Variants in ABCB1 observed in about 807,000 individuals in gnomAD.
The protein encoded by ABCB1 is ATP binding cassette subfamily B member 1.
ABCB1 carries 69 observed loss-of-function variants against 142.0 expected under a neutral mutation model. That is an observed-to-expected ratio of 0.49 (90% confidence interval 0.40 to 0.59). The LOEUF (loss-of-function observed/expected upper bound fraction) is 0.59, where lower values mean the gene tolerates loss of function less well. ABCB1 is among the 20% of genes least tolerant of loss of function. The pLI is 0.00. For synonymous variants in ABCB1, 532 were observed against 539.2 expected (o/e 0.99, Z 0.18); for missense variants, 1,326 against 1,554.7 (o/e 0.85, Z 2.47).
At chr7:87,549,222 A>G (rs1390329776) in intron 14 of ABCB1, 126 bp downstream of exon 14, 1 of 1,082,070 alleles carries the variant, frequency 9.2e-7, no homozygotes, top group Non-Finnish European at 1.3e-6. Flanking sequence ...CTTTTATTTT[A>G]ATAGCTGAAG....
chr7:87,585,828 A>G, intron 3 of ABCB1, 148 bp from the exon 4 acceptor site: 4 of 748,022 alleles, frequency 5.3e-6, no homozygotes, highest in Non-Finnish European at 8.7e-6. Flanking sequence ...TACCTTTGCT[A>G]AATTATTGCA....
chr7:87,583,536 A>G (rs957648565), intron 4 of ABCB1, among the ~76,000 whole-genome samples: 2 of 152,324 alleles, frequency 1.3e-5, no homozygotes, highest in Admixed American at 6.5e-5. Context: ...GAAACTAGAT[A>G]TCTATGAAGA....
chr7:87,622,486 C>T (rs1207885208), intron 1 of ABCB1, among the ~76,000 whole-genome samples: 1 of 152,110 alleles, frequency 6.6e-6, no homozygotes, highest in African/African-American at 2.4e-5. Context: ...ATTGGTAAAA[C>T]ATCTCTAGGA....
chr7:87,556,048 A>C (rs535374529), intron 8 of ABCB1, among the ~76,000 whole-genome samples: 1 of 152,336 alleles, frequency 6.6e-6, no homozygotes, highest in South Asian at 2.1e-4. Context: ...CCTTTTCCAT[A>C]AGCTCTTTGT....
intron 1 of ABCB1, among the ~76,000 whole-genome samples, chr7:87,696,336 G>A (rs1203854221): frequency 6.6e-6 from 1 of 152,030 alleles, no homozygotes; most frequent in African/African-American, 2.4e-5. Context: ...ATTTTTAAAG[G>A]CATGAGTAGC....
intron 1 of ABCB1, among the ~76,000 whole-genome samples, chr7:87,625,944 C>CT (rs1292571619): frequency 6.8e-6 from 1 of 148,080 alleles, no homozygotes; most frequent in Non-Finnish European, 1.5e-5. Context: ...AAGACTGACA[C>CT]TATATACGTA....
intron 20 of ABCB1, among the ~76,000 whole-genome samples, chr7:87,535,104 T>C (rs1241884694): frequency 6.6e-6 from 1 of 151,978 alleles, no homozygotes; most frequent in African/African-American, 2.4e-5. Context: ...ACCAAATTAG[T>C]CTAAAACACT....
intron 1 of ABCB1, among the ~76,000 whole-genome samples, chr7:87,638,890 C>T (rs1159006870): frequency 1.3e-5 from 2 of 152,136 alleles, no homozygotes; most frequent in African/African-American, 4.8e-5. Context: ...TGGTGGCTCA[C>T]ACCTGTAATC....
At chr7:87,706,563 C>G (rs566970959) in intron 1 of ABCB1, among the ~76,000 whole-genome samples, 1 of 152,224 alleles carries the variant, frequency 6.6e-6, no homozygotes, top group Admixed American at 6.5e-5. Flanking sequence ...AAGGGAGCAA[C>G]CAAGGCATGA....
intron 1 of ABCB1, among the ~76,000 whole-genome samples, chr7:87,683,798 C>T (rs1035489374): frequency 1.3e-5 from 2 of 152,050 alleles, no homozygotes; most frequent in African/African-American, 2.4e-5. Context: ...AAAATTGCAC[C>T]GAAAGACTTG....
intron 7 of ABCB1, among the ~76,000 whole-genome samples, chr7:87,563,195 C>T (rs1351850601): frequency 2.6e-5 from 4 of 152,116 alleles, no homozygotes; most frequent in Admixed American, 1.3e-4. Context: ...TAAAAAAGCC[C>T]AGGACCAGAT....
At chr7:87,550,105 A>G in intron 12 of ABCB1, 51 bp from the exon 13 acceptor site, 1 of 1,614,134 alleles carries the variant, frequency 6.2e-7, no homozygotes, top group Non-Finnish European at 8.5e-7. Context: ...TGAAAGGGCA[A>G]CATCAGAAAG....
At position 87,541,451 on chromosome 7, in the gene ABCB1, A is replaced by G; in HGVS notation, c.2225T>C (p.Ile742Thr). The change falls in exon 18 of 28, where the codon ATT becomes ACT. Residue 742 changes from isoleucine (I) to threonine (T), a missense_variant. Ile to Thr is a moderately conservative substitution (Grantham distance 89). Coordinates refer to ENST00000622132, the MANE Select transcript of ABCB1 (RefSeq NM_001348946.2). ...FSKIIGVFTR[I>T]DDPETKRQNS... is the part of the protein sequence containing the mutation. ...CTGTCGTTTTGTTTCAGGATCATCA[A>G]TTCTTGTAAAAACCTGTGAGAAAAC... 2 of 1,604,046 alleles carry G rather than the reference A, an allele frequency of 1.2e-6. No individual in the cohort carries two copies. Among genetic ancestry groups the G allele is most frequent in the Non-Finnish European group, 1.7e-6 (2 of 1,170,830 alleles).
intron 1 of ABCB1, among the ~76,000 whole-genome samples, chr7:87,659,761 C>T (rs1007411822): frequency 6.6e-6 from 1 of 152,148 alleles, no homozygotes; most frequent in Non-Finnish European, 1.5e-5. Context: ...AGCCAGTCTT[C>T]CTTTTTATCT....
chr7:87,541,281 C>T (rs1563042471), intron 18 of ABCB1, 76 bp downstream of exon 18: 2 of 1,019,568 alleles, frequency 2.0e-6, no homozygotes, highest in Non-Finnish European at 3.0e-6. Flanking sequence ...GCCAATTACA[C>T]TGATGTTTAT....
chr7:87,694,919 C>T (rs1828370055), intron 1 of ABCB1, among the ~76,000 whole-genome samples: 1 of 152,116 alleles, frequency 6.6e-6, no homozygotes, highest in African/African-American at 2.4e-5. Flanking sequence ...GGCATAGACA[C>T]ATACTTTAGA....
At position 87,538,712 on chromosome 7, in the gene ABCB1, G is replaced by A. The variant is rs578172711; in HGVS notation, c.2397+556C>T. ...CATTTCCCCAGGAAAACATTCACACGTGTCAATGGTTAGGGTTTTGAAGCT... is the reference window on the plus strand; with the variant it reads ...CATTTCCCCAGGAAAACATTCACACATGTCAATGGTTAGGGTTTTGAAGCT... On this transcript the variant is annotated intron_variant, in intron 19 of 27. Coordinates refer to ENST00000622132, the MANE Select transcript of ABCB1 (RefSeq NM_001348946.2). Among the ~76,000 whole-genome samples, 236 of 152,234 alleles carry A rather than the reference G, an allele frequency of 1.6e-3. 1 individual carries two copies. The highest frequency in any genetic ancestry group is 2.4e-3 in the Non-Finnish European group (160 of 68,004).
chr7:87,655,230 A>G (rs1029284457), intron 1 of ABCB1, among the ~76,000 whole-genome samples: 2 of 152,172 alleles, frequency 1.3e-5, no homozygotes, highest in African/African-American at 4.8e-5. Flanking sequence ...GTACATAGCC[A>G]AGGAAATGAA....
At chr7:87,660,456 T>C (rs1375059972) in intron 1 of ABCB1, among the ~76,000 whole-genome samples, 2 of 152,148 alleles carry the variant, frequency 1.3e-5, no homozygotes, top group Non-Finnish European at 2.9e-5. Flanking sequence ...GAATGGTTTT[T>C]AAAAATTAAA....
Sources: gnomAD v4.1 joint callset for allele counts (sites outside exome capture counted in the v4.1 genomes callset) on GRCh38, gnomAD v4.1.1 for gene constraint, MANE v1.5 for transcripts, NCBI Gene and HGNC (gene_info 2026-07-23, HGNC 2026-07-21) for gene names.